The following P2RY8 variants were observed in gnomAD, a reference collection of about 807,000 sequenced individuals.
P2RY8 encodes P2Y receptor family member 8, also known as S-geranylgeranyl-glutathione receptor P2RY8.
A neutral mutation model predicts 10.0 loss-of-function variants in P2RY8; 6 were observed. That is an observed-to-expected ratio of 0.60 (90% CI 0.33 to 1.19). The LOEUF (loss-of-function observed/expected upper bound fraction) is 1.19. Among genes scored for constraint, P2RY8 ranks in the 50% most tolerant of loss-of-function variants. The pLI is 0.04. For missense variants in P2RY8, 456 were observed against 542.0 expected (o/e 0.84, Z 1.58); for synonymous variants, 276 against 252.5 (o/e 1.09, Z -0.88).
intron 1 of P2RY8, among the ~76,000 whole-genome samples, chrX:1,532,713 C>A (rs2092488297): frequency 6.6e-6 from 1 of 151,774 alleles, no homozygotes; most frequent in Non-Finnish European, 1.5e-5. Flanking sequence ...CATAAGAATG[C>A]CACAACGGCC....
At chrX:1,488,615 G>T (rs2092008833) in intron 1 of P2RY8, among the ~76,000 whole-genome samples, 1 of 152,108 alleles carries the variant, frequency 6.6e-6, no homozygotes, top group African/African-American at 2.4e-5. Flanking sequence ...GCCCATGGGT[G>T]CCAGCTCCTG....
intron 1 of P2RY8, among the ~76,000 whole-genome samples, chrX:1,505,559 G>A (rs76637070): frequency 0.034 from 5,229 of 152,272 alleles, 104 homozygotes; most frequent in Non-Finnish European, 0.049. Flanking sequence ...GGAGGCCGAG[G>A]CGGGTCGATC....
chrX:1,482,313 A>G (rs1465108518), intron 1 of P2RY8, among the ~76,000 whole-genome samples: 1 of 149,620 alleles, frequency 6.7e-6, no homozygotes, highest in African/African-American at 2.5e-5. Flanking sequence ...AAAAAAACCC[A>G]AAGTGGTTGA....
rs1156466499 is a variant in P2RY8, at chrX:1,465,219, C to A, written c.*260G>T. 22 of 547,888 alleles carry A rather than the reference C, an allele frequency of 4.0e-5. No individual in the cohort carries two copies. Among genetic ancestry groups the A allele is most frequent in the Non-Finnish European group, 6.3e-5 (20 of 318,010 alleles). 33.9% of individuals were successfully genotyped at this position (547,888 alleles called of 1,614,324 possible). A position where few individuals can be genotyped will look rare whatever the true frequency, so the allele number is the denominator to read the frequency against. On this transcript the variant is annotated 3_prime_UTR_variant, in exon 2 of 2. Coordinates refer to ENST00000381297, the MANE Select transcript of P2RY8 (RefSeq NM_178129.5). ...CCCTGACACAGAGAGGCAGAGGCACCCTCTGCAGGATAACAAGCACCCTGT... is the reference window on the plus strand; with the variant it reads ...CCCTGACACAGAGAGGCAGAGGCACACTCTGCAGGATAACAAGCACCCTGT...
intron 1 of P2RY8, among the ~76,000 whole-genome samples, chrX:1,524,121 T>C (rs2092412270): frequency 6.6e-6 from 1 of 152,148 alleles, no homozygotes; most frequent in Non-Finnish European, 1.5e-5. Flanking sequence ...CCGTTCCTGT[T>C]TGATTTTCTC....
At chrX:1,470,081 G>T (rs182880555) in intron 1 of P2RY8, among the ~76,000 whole-genome samples, 1 of 152,082 alleles carries the variant, frequency 6.6e-6, no homozygotes, top group Non-Finnish European at 1.5e-5. Context: ...GGACCTGGCC[G>T]GGCATCATGG....
chrX:1,508,341 G>A (rs1421613028), intron 1 of P2RY8, among the ~76,000 whole-genome samples: 1 of 152,124 alleles, frequency 6.6e-6, no homozygotes, highest in Non-Finnish European at 1.5e-5. Flanking sequence ...TCATGACGGG[G>A]TGGAGGAGCT....
At chrX:1,493,409 AGGAGGAAGGAGGAAGG>A (rs2092079808) in intron 1 of P2RY8, among the ~76,000 whole-genome samples, 2 of 7,110 alleles carry the variant, frequency 2.8e-4, no homozygotes, top group Non-Finnish European at 9.3e-4. Context: ...AGGAGGAAGG[AGGAGGAAGGAGGAAGG>A]AGGAGGGAGG....
At chrX:1,471,308 C>CTGTTT (rs1569536548) in intron 1 of P2RY8, among the ~76,000 whole-genome samples, 1 of 71,110 alleles carries the variant, frequency 1.4e-5, no homozygotes, top group African/African-American at 5.2e-5. Flanking sequence ...GCGCCCAGCC[C>CTGTTT]ATTTTTTTTT....
intron 1 of P2RY8, among the ~76,000 whole-genome samples, chrX:1,500,538 G>A (rs1275306481): frequency 2.6e-5 from 4 of 151,078 alleles, no homozygotes; most frequent in South Asian, 2.1e-4. Flanking sequence ...TCCGCCTCCC[G>A]AGTTCAAGTG....
At chrX:1,518,749 C>T (rs771222989) in intron 1 of P2RY8, among the ~76,000 whole-genome samples, 3 of 152,044 alleles carry the variant, frequency 2.0e-5, no homozygotes, top group Non-Finnish European at 4.4e-5. Context: ...CCTCAATATT[C>T]TCTGTGGTTC....
chrX:1,536,523 A>G (rs1657004394), intron 1 of P2RY8, among the ~76,000 whole-genome samples: 1 of 150,694 alleles, frequency 6.6e-6, no homozygotes, highest in African/African-American at 2.5e-5. Flanking sequence ...CGGTCCCCCA[A>G]AGTGCTGGGA....
chrX:1,486,132 C>T (rs1233431199), intron 1 of P2RY8, among the ~76,000 whole-genome samples: 2 of 152,156 alleles, frequency 1.3e-5, no homozygotes, highest in Non-Finnish European at 2.9e-5. Context: ...GCAGGAGAAT[C>T]GCTTGAACCC....
chrX:1,472,997 G>A (rs1357618474), intron 1 of P2RY8, among the ~76,000 whole-genome samples: 1 of 112,240 alleles, frequency 8.9e-6, no homozygotes, highest in African/African-American at 3.3e-5. Context: ...TGGGTGGGAG[G>A]GTGGATGGGT....
intron 1 of P2RY8, among the ~76,000 whole-genome samples, chrX:1,521,851 C>G (rs1327406763): frequency 1.3e-5 from 2 of 151,270 alleles, no homozygotes; most frequent in African/African-American, 2.4e-5. Flanking sequence ...AAAAGGGTCC[C>G]GCGAAGAGTG....
intron 1 of P2RY8, among the ~76,000 whole-genome samples, chrX:1,478,938 C>T (rs181567989): frequency 5.5e-4 from 83 of 152,228 alleles, no homozygotes; most frequent in African/African-American, 1.9e-3. Flanking sequence ...TGCAACTTAT[C>T]CTAATAAAAC....
chrX:1,496,848 C>T (rs2092122078), intron 1 of P2RY8, among the ~76,000 whole-genome samples: 1 of 146,196 alleles, frequency 6.8e-6, no homozygotes. Context: ...CAGGCACCCA[C>T]CGCACCTGGC....
chrX:1,480,883 A>T (rs776256626), intron 1 of P2RY8, among the ~76,000 whole-genome samples: 1 of 151,774 alleles, frequency 6.6e-6, no homozygotes, highest in South Asian at 2.1e-4. Flanking sequence ...TGCCAAAAAA[A>T]ACTCTTAAGA....
In P2RY8 at chrX:1,536,925, G is replaced by A. The variant is rs184897876; in HGVS notation, c.-29C>T. ...AAGTCCAGCTCGGCGGCTCACCTGT[G>A]CAGAAGCAGCGGCAGAAGTAGCAGG... is the stretch of plus-strand genomic sequence containing the variant. On this transcript the variant is annotated 5_prime_UTR_variant, in exon 1 of 2. Transcript: ENST00000381297. The A allele has an allele frequency of 1.3e-3, 304 of 226,298 alleles. 1 individual carries two copies. The highest frequency in any genetic ancestry group is 6.7e-3 in the African/African-American group (299 of 44,962). The allele number at this position is 226,298 out of a possible 1,614,324, so 14.0% of individuals were successfully genotyped here. A position where few individuals can be genotyped will look rare whatever the true frequency, so the allele number is the denominator to read the frequency against.
Sources: gnomAD v4.1 joint callset for allele counts (sites outside exome capture counted in the v4.1 genomes callset) on GRCh38, gnomAD v4.1.1 for gene constraint, MANE v1.5 for transcripts, NCBI Gene and HGNC (gene_info 2026-07-23, HGNC 2026-07-21) for gene names.